HPCAL1: variants seen among roughly 807,000 people sequenced by gnomAD.
The protein encoded by HPCAL1 is hippocalcin like 1, also known as hippocalcin-like protein 1.
A neutral mutation model predicts 17.1 loss-of-function variants in HPCAL1; 8 were observed. The ratio of observed to expected loss-of-function variants is 0.47; its 90% CI spans 0.27 to 0.84. HPCAL1 has a LOEUF of 0.84. Among genes scored for constraint, HPCAL1 ranks in the 40% least tolerant of loss-of-function variants. HPCAL1 has a pLI of 0.13. For missense variants in HPCAL1, 165 were observed against 271.1 expected, an observed-to-expected ratio of 0.61 and a Z score of 2.75; for synonymous variants, 112 against 111.4, an observed-to-expected ratio of 1.01 and a Z score of -0.03.
In HPCAL1 at chr2:10,360,970, C is replaced by G. The variant is rs547863669; in HGVS notation, c.-110-35865C>G. On this transcript the variant is annotated intron_variant, in intron 1 of 4. Coordinates refer to ENST00000307845, the MANE Select transcript of HPCAL1 (RefSeq NM_002149.4). ...TGTCCAGCAGTATTCTCTCCACGGT[C>G]TCCTCCTGGGTGTCTGGCGTGTGCC... Among the ~76,000 whole-genome samples the G allele has an allele frequency of 4.6e-5, 7 of 151,048 alleles. No individual in the cohort carries two copies. The South Asian group carries it at 1.5e-3, about 32-fold the overall frequency.
At chr2:10,356,206 C>T (rs1383517437) in intron 1 of HPCAL1, among the ~76,000 whole-genome samples, 1 of 152,164 alleles carries the variant, frequency 6.6e-6, no homozygotes, top group African/African-American at 2.4e-5. Context: ...CCTAAGGACA[C>T]GCAGCTCCTA....
chr2:10,407,198 C>T (rs970465577), intron 2 of HPCAL1, among the ~76,000 whole-genome samples: 1 of 152,146 alleles, frequency 6.6e-6, no homozygotes, highest in South Asian at 2.1e-4. Context: ...GGCCCCAAAA[C>T]TCTACTCTGC....
At chr2:10,411,745 G>A (rs887814995) in intron 2 of HPCAL1, among the ~76,000 whole-genome samples, 30 of 152,222 alleles carry the variant, frequency 2.0e-4, no homozygotes, top group Non-Finnish European at 4.0e-4. Flanking sequence ...CAGGCCCCAA[G>A]GACAGGCTGA....
At chr2:10,338,107 G>A (rs967744243) in intron 1 of HPCAL1, among the ~76,000 whole-genome samples, 1 of 152,118 alleles carries the variant, frequency 6.6e-6, no homozygotes, top group East Asian at 1.9e-4. Flanking sequence ...CTATCATTCT[G>A]TGTACATGAG....
chr2:10,307,935 C>G (rs557379130), intron 1 of HPCAL1, among the ~76,000 whole-genome samples: 1 of 152,364 alleles, frequency 6.6e-6, no homozygotes, highest in South Asian at 2.1e-4. Flanking sequence ...GTAAGTGCTT[C>G]TGATACCTAC....
Position 10,386,496 on chromosome 2 carries a change from C to A in HPCAL1, c.-110-10339C>A, listed in dbSNP as rs546569681. ...CTTTGATGTGGGGAGAAAGACCCCC[C>A]CCCAGGTTACAGGTAAGCCCTCCCA... On this transcript the variant is annotated intron_variant, in intron 1 of 4. Coordinates refer to ENST00000307845, the MANE Select transcript of HPCAL1 (RefSeq NM_002149.4). 2.1e-4 allele frequency among the ~76,000 whole-genome samples: 32 copies of A among 152,250 alleles called. No homozygotes were observed. The East Asian group carries it at 5.0e-3, about 24-fold the overall frequency.
At chr2:10,368,371 G>A (rs1666995789) in intron 1 of HPCAL1, among the ~76,000 whole-genome samples, 2 of 152,098 alleles carry the variant, frequency 1.3e-5, no homozygotes, top group Non-Finnish European at 2.9e-5. Context: ...GCATATGTGT[G>A]TGTAGGTGTG....
chr2:10,359,243 G>C lies in HPCAL1; in HGVS notation c.-110-37592G>C, dbSNP rs570979717. 5.9e-5 allele frequency among the ~76,000 whole-genome samples: 9 copies of C among 152,302 alleles called. No individual in the cohort carries two copies. Among genetic ancestry groups the C allele is most frequent in the African/African-American group, 2.2e-4 (9 of 41,568 alleles). ...ACTCCCTTGGTGTCCATGGGTGTCT[G>C]GTGTGTGCCTATGTTTGCTGCGGGC... On this transcript the variant is annotated intron_variant, in intron 1 of 4. Coordinates refer to ENST00000307845, the MANE Select transcript of HPCAL1 (RefSeq NM_002149.4). This position sits in a 1 kb window ranked among gnomAD's most constrained non-coding sequence, Gnocchi z 4.1.
In HPCAL1 at chr2:10,310,275, G is replaced by A. The variant is rs1662871347; in HGVS notation, c.-111+7098G>A. Among the ~76,000 whole-genome samples the A allele has an allele frequency of 6.6e-6, 1 of 152,156 alleles. No individual in the cohort carries two copies. The highest frequency in any genetic ancestry group is 2.1e-4 in the South Asian group (1 of 4,826). On this transcript the variant is annotated intron_variant, in intron 1 of 4. Transcript: ENST00000307845. The surrounding 1 kb of genome is among the most constrained non-coding windows in gnomAD (Gnocchi z 4.5). ...GCGCAGCTCAGACGTAGATGGGGAC[G>A]CAGATGTGAGTACCTAGGTGAGTCT...
intron 1 of HPCAL1, among the ~76,000 whole-genome samples, chr2:10,371,148 C>T (rs1013628283): frequency 1.4e-4 from 22 of 152,074 alleles, no homozygotes; most frequent in African/African-American, 4.6e-4. Context: ...CCAGGCAGGG[C>T]GGGTTTGGGG....
chr2:10,366,562 G>A (rs1237174102), intron 1 of HPCAL1, among the ~76,000 whole-genome samples: 3 of 152,126 alleles, frequency 2.0e-5, no homozygotes, highest in African/African-American at 7.2e-5. Flanking sequence ...ATAAAGATCT[G>A]GTTCTCCCAG....
At chr2:10,409,103 C>T (rs994217181) in intron 2 of HPCAL1, among the ~76,000 whole-genome samples, 4 of 152,082 alleles carry the variant, frequency 2.6e-5, no homozygotes, top group African/African-American at 7.2e-5. Context: ...CATATGAAGT[C>T]GTCAAAATCC....
At chr2:10,422,780 T>C (rs1427893956) in intron 3 of HPCAL1, among the ~76,000 whole-genome samples, 1 of 152,180 alleles carries the variant, frequency 6.6e-6, no homozygotes, top group Non-Finnish European at 1.5e-5. Context: ...GTAGAACCCT[T>C]CTGCCAGCTC....
chr2:10,327,559 A>G (rs933502863), intron 1 of HPCAL1, among the ~76,000 whole-genome samples: 8 of 152,224 alleles, frequency 5.3e-5, no homozygotes, highest in African/African-American at 1.9e-4. Context: ...AAAGTATATT[A>G]TATCATACTT....
At chr2:10,387,902 C>T (rs1668420312) in intron 1 of HPCAL1, among the ~76,000 whole-genome samples, 2 of 152,126 alleles carry the variant, frequency 1.3e-5, no homozygotes, top group African/African-American at 4.8e-5. Flanking sequence ...TTTCTTTTCT[C>T]CTTTGCAGTT....
At chr2:10,406,699 C>T (rs1210987406) in intron 2 of HPCAL1, among the ~76,000 whole-genome samples, 1 of 152,250 alleles carries the variant, frequency 6.6e-6, no homozygotes, top group Admixed American at 6.5e-5. Context: ...ACGGGTGCTG[C>T]GTGGCTCTGC....
intron 1 of HPCAL1, among the ~76,000 whole-genome samples, chr2:10,375,493 C>T (rs962059975): frequency 6.6e-6 from 1 of 152,158 alleles, no homozygotes; most frequent in African/African-American, 2.4e-5. Flanking sequence ...ACTCCCATTT[C>T]GTGTCCTTTA....
In HPCAL1 at chr2:10,323,949, A is replaced by G. The variant is rs1027287709; in HGVS notation, c.-111+20772A>G. 5.3e-5 allele frequency among the ~76,000 whole-genome samples: 8 copies of G among 152,380 alleles called. No individual in the cohort carries two copies. The highest frequency in any genetic ancestry group is 1.3e-4 in the Admixed American group (2 of 15,310). ...CACAAGAACGTAGTCTAAAGGATGT[A>G]CTTCACCATGCAAAAGCTCTTGTCA... On this transcript the variant is annotated intron_variant, in intron 1 of 4. Transcript: ENST00000307845. The surrounding 1 kb of genome is among the most constrained non-coding windows in gnomAD (Gnocchi z 4.6).
rs975467545 is a variant in HPCAL1, at chr2:10,354,823, C to T, written c.-110-42012C>T. 3.3e-5 allele frequency among the ~76,000 whole-genome samples: 5 copies of T among 152,372 alleles called. No homozygotes were observed. Among genetic ancestry groups the T allele is most frequent in the East Asian group, 1.9e-4 (1 of 5,192 alleles). On this transcript the variant is annotated intron_variant, in intron 1 of 4. Transcript: ENST00000307845. The surrounding 1 kb of genome is among the most constrained non-coding windows in gnomAD (Gnocchi z 5.1). ...GTCTGATCTTAAATACACAGCCCTGCGTGCTGACCTTGTGTTAGAACTTAA... is the reference window on the plus strand; with the variant it reads ...GTCTGATCTTAAATACACAGCCCTGTGTGCTGACCTTGTGTTAGAACTTAA...
Sources: allele counts gnomAD v4.1 joint callset (sites outside exome capture counted in the v4.1 genomes callset), GRCh38; gene constraint gnomAD v4.1.1; non-coding constraint Gnocchi (gnomAD v3.1); transcripts MANE v1.5; gene names NCBI Gene and HGNC (gene_info 2026-07-23, HGNC 2026-07-21).